The following FRMPD4 variants were observed in gnomAD, a reference collection of about 807,000 sequenced individuals.
The protein encoded by FRMPD4 is FERM and PDZ domain containing 4.
A neutral mutation model predicts 94.1 loss-of-function variants in FRMPD4; 22 were observed. The observed-to-expected ratio is 0.23, with a 90% CI of 0.17 to 0.33. The LOEUF (loss-of-function observed/expected upper bound fraction) is 0.33, where lower values mean the gene tolerates loss of function less well. FRMPD4 is among the 10% of genes least tolerant of loss of function. The pLI is 1.00. For missense variants in FRMPD4, 1,111 were observed against 1,339.9 expected (o/e 0.83, Z 2.67); for synonymous variants, 631 against 548.6 (o/e 1.15, Z -2.10).
At chrX:12,037,656 G>C (rs1011251911) in intron 3 of FRMPD4, among the ~76,000 whole-genome samples, 6 of 110,629 alleles carry the variant, frequency 5.4e-5, no homozygotes, top group African/African-American at 2.0e-4. Flanking sequence ...ATGGGGGTTT[G>C]GTGTACAGAT....
chrX:12,555,122 T>C (rs187811115), intron 2 of FRMPD4, among the ~76,000 whole-genome samples: 1 of 111,575 alleles, frequency 9.0e-6, no homozygotes, highest in East Asian at 2.8e-4. Context: ...TTTTTCTTTT[T>C]AAAATTATGT....
intron 1 of FRMPD4, among the ~76,000 whole-genome samples, chrX:12,169,000 A>G (rs1258435972): frequency 8.9e-6 from 1 of 112,056 alleles, no homozygotes; most frequent in African/African-American, 3.2e-5. Flanking sequence ...CACATCCCTA[A>G]TACAACTATT....
intron 3 of FRMPD4, among the ~76,000 whole-genome samples, chrX:11,992,126 G>A (rs1250978376): frequency 1.1e-5 from 1 of 89,201 alleles, no homozygotes; most frequent in Non-Finnish European, 2.2e-5. Flanking sequence ...TTGCACGCAG[G>A]CACCTAATTA....
At chrX:12,709,143 T>G (rs2041935877) in intron 13 of FRMPD4, among the ~76,000 whole-genome samples, 1 of 111,608 alleles carries the variant, frequency 9.0e-6, no homozygotes, top group South Asian at 3.8e-4. Context: ...AAAATAATGA[T>G]GCGGTGCCTT....
At chrX:12,720,049 G>GGAAAGGAAAGGAAAGAAA (rs1555898469) in intron 16 of FRMPD4, among the ~76,000 whole-genome samples, 1 of 39,584 alleles carries the variant, frequency 2.5e-5, no homozygotes, top group African/African-American at 1.2e-4. Context: ...GGAAAGGAAA[G>GGAAAGGAAAGGAAAGAAA]GAAAGAAAGA....
chrX:12,331,684 T>G (rs766690955), intron 1 of FRMPD4, among the ~76,000 whole-genome samples: 3 of 70,537 alleles, frequency 4.3e-5, no homozygotes, highest in Non-Finnish European at 7.0e-5. Context: ...AAATTATATA[T>G]TTATATAATA....
chrX:11,896,497 C>T (rs935079880), intron 3 of FRMPD4, among the ~76,000 whole-genome samples: 2 of 111,874 alleles, frequency 1.8e-5, no homozygotes, highest in African/African-American at 6.5e-5. Flanking sequence ...CTTCTACCAT[C>T]ATGTGAGGAC....
intron 3 of FRMPD4, among the ~76,000 whole-genome samples, chrX:11,912,787 A>G (rs762496887): frequency 2.3e-4 from 26 of 110,749 alleles, no homozygotes; most frequent in Admixed American, 1.7e-3. Context: ...ATTACAAAAA[A>G]AAAAAGAAAA....
chrX:11,903,711 T>C (rs999609592), intron 3 of FRMPD4, among the ~76,000 whole-genome samples: 3 of 112,555 alleles, frequency 2.7e-5, no homozygotes, highest in African/African-American at 9.7e-5. Context: ...AAAGGGCTTC[T>C]TTTGTCTTTT....
At chrX:12,236,993 G>A (rs1366651392) in intron 1 of FRMPD4, among the ~76,000 whole-genome samples, 1 of 111,705 alleles carries the variant, frequency 9.0e-6, no homozygotes, top group African/African-American at 3.3e-5. Flanking sequence ...ACAATGCACA[G>A]GACAGTCCCC....
At chrX:12,497,112 G>C (rs1003861483) in intron 1 of FRMPD4, among the ~76,000 whole-genome samples, 1 of 111,227 alleles carries the variant, frequency 9.0e-6, no homozygotes, top group African/African-American at 3.3e-5. Context: ...TAGTTTATTT[G>C]TTTTCAATAA....
chrX:12,668,223 T>C (rs1187421497), intron 4 of FRMPD4, among the ~76,000 whole-genome samples: 1 of 110,767 alleles, frequency 9.0e-6, no homozygotes, highest in Non-Finnish European at 1.9e-5. Context: ...ATCGTTGGGT[T>C]AGGAATTTTA....
At position 12,348,440 on chromosome X, in the gene FRMPD4, TG is replaced by T. The variant is rs749409115; in HGVS notation, c.42-150235del. ...CTCATGCTAGAAGAGAGAGAAGAAA[TG>T]GGGGCTCCCTGGGAATTCCAACCGT... On this transcript the variant is annotated intron_variant, in intron 1 of 16. Transcript: ENST00000675598. Among the ~76,000 whole-genome samples the T allele has an allele frequency of 3.6e-5, 4 of 110,775 alleles. No individual in the cohort carries two copies. The East Asian group carries it at 1.1e-3, about 32-fold the overall frequency.
chrX:11,918,110 A>G (rs6640810), intron 3 of FRMPD4, among the ~76,000 whole-genome samples: 6,010 of 111,811 alleles, frequency 0.054, 172 homozygotes, highest in East Asian at 0.15. Flanking sequence ...CTTTAAATAG[A>G]TGTTCTCTTA....
chrX:12,047,943 T>C (rs1420606093), intron 3 of FRMPD4, among the ~76,000 whole-genome samples: 1 of 113,058 alleles, frequency 8.8e-6, no homozygotes, highest in East Asian at 2.8e-4. Flanking sequence ...CTATTGTTAA[T>C]AGTGCAGCAA....
intron 11 of FRMPD4, among the ~76,000 whole-genome samples, chrX:12,705,001 C>T (rs958799129): frequency 4.5e-5 from 5 of 111,429 alleles, no homozygotes; most frequent in African/African-American, 1.6e-4. Context: ...TAGCGGCACC[C>T]CTGGTCTCTA....
intron 1 of FRMPD4, among the ~76,000 whole-genome samples, chrX:12,402,711 G>A (rs181600103): frequency 6.8e-4 from 77 of 112,483 alleles, no homozygotes; most frequent in Admixed American, 8.4e-4. Flanking sequence ...TGAGGGCTCT[G>A]CCCTCAGGAA....
intron 3 of FRMPD4, among the ~76,000 whole-genome samples, chrX:12,087,124 C>T (rs1227517009): frequency 9.0e-6 from 1 of 111,300 alleles, no homozygotes; most frequent in Non-Finnish European, 1.9e-5. Context: ...TCACCATCTT[C>T]TGTGGATTAG....
chrX:12,579,158 C>A (rs12012548), intron 2 of FRMPD4, among the ~76,000 whole-genome samples: 27,798 of 111,326 alleles, frequency 0.25, 3,084 homozygotes, highest in African/African-American at 0.45. Context: ...GTGAAAAAAT[C>A]TATGTAGCTC....
Sources: gnomAD v4.1 joint callset for allele counts (sites outside exome capture counted in the v4.1 genomes callset) on GRCh38, gnomAD v4.1.1 for gene constraint, MANE v1.5 for transcripts, NCBI Gene and HGNC (gene_info 2026-07-23, HGNC 2026-07-21) for gene names.